Variants in CORIN observed in about 807,000 individuals in gnomAD.
The protein encoded by CORIN is atrial natriuretic peptide-converting enzyme.
A neutral mutation model predicts 125.3 loss-of-function variants in CORIN; 117 were observed. The ratio of observed to expected loss-of-function variants is 0.93; its 90% CI spans 0.80 to 1.09. CORIN has a LOEUF of 1.09. CORIN is among the 50% of genes least tolerant of loss of function. The pLI, the probability that CORIN is intolerant of heterozygous loss-of-function variation, is 0.00. For missense variants in CORIN, 1,253 were observed against 1,306.7 expected, an observed-to-expected ratio of 0.96 and a Z score of 0.63; for synonymous variants, 450 against 466.4, an observed-to-expected ratio of 0.96 and a Z score of 0.45.
At chr4:47,686,726 T>C (rs1202273335) in intron 6 of CORIN, among the ~76,000 whole-genome samples, 1 of 152,208 alleles carries the variant, frequency 6.6e-6, no homozygotes, top group East Asian at 1.9e-4. Flanking sequence ...AAATAAGGCT[T>C]CTCAACTTGA....
At chr4:47,715,113 T>G (rs1038470019) in intron 5 of CORIN, among the ~76,000 whole-genome samples, 1 of 152,194 alleles carries the variant, frequency 6.6e-6, no homozygotes, top group Admixed American at 6.5e-5. Context: ...ACTAAAATAG[T>G]AGTACACATA....
At position 47,763,580 on chromosome 4, in the gene CORIN, C is replaced by T. The variant is rs1346608390; in HGVS notation, c.416G>A (p.Cys139Tyr). ...GDQSHRNTSA[C>Y]MNITHSQCQM... ...ACACTGGCTGTGGGTGATGTTCATA[C>T]AGGCACCTGGGAAGTAAAGACATGC... Residue 139 changes from cysteine to tyrosine, a missense_variant, in exon 4 of 22, where the codon TGT (cysteine) becomes TAT (tyrosine). Cys to Tyr is a radical substitution (Grantham distance 194). Transcript: ENST00000273857. The T allele has an allele frequency of 2.5e-6, 4 of 1,613,852 alleles. No homozygotes were observed. In the African/African-American group the frequency reaches 5.3e-5, roughly 22 times the overall value.
At chr4:47,625,696 T>A (rs1722526656) in intron 17 of CORIN, among the ~76,000 whole-genome samples, 1 of 152,146 alleles carries the variant, frequency 6.6e-6, no homozygotes, top group Non-Finnish European at 1.5e-5. Flanking sequence ...TTATTTAGAG[T>A]TCAGACACTA....
At chr4:47,724,874 T>G (rs1347076473) in intron 5 of CORIN, among the ~76,000 whole-genome samples, 1 of 152,182 alleles carries the variant, frequency 6.6e-6, no homozygotes, top group Non-Finnish European at 1.5e-5. Flanking sequence ...CATAATCTAA[T>G]TATAGGAGTG....
intron 1 of CORIN, 103 bp downstream of exon 1, chr4:47,837,784 G>A: frequency 9.8e-7 from 1 of 1,017,464 alleles, no homozygotes. Flanking sequence ...AGGTGGCATC[G>A]GGCGGAGGAG....
intron 6 of CORIN, among the ~76,000 whole-genome samples, chr4:47,685,836 T>C (rs1326282839): frequency 2.0e-5 from 3 of 151,070 alleles, no homozygotes; most frequent in African/African-American, 7.3e-5. Context: ...GTGGATGTAA[T>C]GAAAAGTTTA....
intron 17 of CORIN, among the ~76,000 whole-genome samples, chr4:47,624,183 ACTT>A (rs1722457904): frequency 6.6e-6 from 1 of 152,138 alleles, no homozygotes; most frequent in South Asian, 2.1e-4. Context: ...GAATATATAT[ACTT>A]CTTTTTTTAG....
intron 19 of CORIN, among the ~76,000 whole-genome samples, chr4:47,619,597 A>G (rs778199149): frequency 2.3e-4 from 35 of 152,230 alleles, no homozygotes; most frequent in African/African-American, 7.0e-4. Flanking sequence ...GTGTTTCATG[A>G]AACTTACCAA....
At position 47,680,235 on chromosome 4, in the gene CORIN, T is replaced by C. The variant is rs1300744949; in HGVS notation, c.1038A>G (p.Thr346=). The change falls in exon 8 of 22, where the codon ACA becomes ACG. Residue 346 remains threonine, a synonymous_variant. Coordinates refer to ENST00000273857, the MANE Select transcript of CORIN (RefSeq NM_006587.4). ...DEQNCDCNPT[T]EHRCGDGRCI... ...AGCGCCCGTCCCCGCAGCGATGCTC[T>C]GTTGTGGGATTGCAATCTGGAGAAA... The C allele has an allele frequency of 5.0e-6, 8 of 1,613,632 alleles. No homozygotes were observed. Among genetic ancestry groups the C allele is most frequent in the Middle Eastern group, 3.3e-4 (2 of 6,078 alleles).
intron 3 of CORIN, among the ~76,000 whole-genome samples, chr4:47,780,535 A>T (rs1450545318): frequency 6.6e-6 from 1 of 152,164 alleles, no homozygotes; most frequent in Non-Finnish European, 1.5e-5. Flanking sequence ...GCAAAGTAAG[A>T]TCCTCCAAAA....
At chr4:47,720,246 A>C (rs190119922) in intron 5 of CORIN, among the ~76,000 whole-genome samples, 2 of 152,284 alleles carry the variant, frequency 1.3e-5, no homozygotes, top group East Asian at 1.9e-4. Flanking sequence ...GGCAGATCTG[A>C]ACACTACATG....
At chr4:47,837,278 C>T (rs1733483222) in intron 1 of CORIN, 2 of 158,922 alleles carry the variant, frequency 1.3e-5, no homozygotes, top group African/African-American at 4.8e-5. Context: ...GGCGAGTGAT[C>T]CCCAGGCACC....
chr4:47,623,690 C>T lies in CORIN; in HGVS notation c.2421G>A (p.Thr807=), dbSNP rs749700191. 23 of 1,614,114 alleles carry T rather than the reference C, an allele frequency of 1.4e-5. No homozygotes were observed. Among genetic ancestry groups the T allele is most frequent in the East Asian group, 6.7e-5 (3 of 44,906 alleles). The change falls in exon 19 of 22, where the codon ACG becomes ACA. Residue 807 remains threonine, a synonymous_variant. Transcript: ENST00000273857. ...RMNKRILGGR[T]SRPGRWPWQC... ...GCCATGGCCACCTTCCAGGGCGACT[C>T]GTCCGACCTCCAAGGATCCTTTTGT...
intron 1 of CORIN, among the ~76,000 whole-genome samples, chr4:47,825,930 C>T (rs1732728558): frequency 6.6e-6 from 1 of 152,032 alleles, no homozygotes; most frequent in Admixed American, 6.6e-5. Context: ...TCTCGAACTC[C>T]TGACCTCAGC....
chr4:47,786,597 A>G (rs1730825772), intron 3 of CORIN, 128 bp downstream of exon 3: 3 of 698,870 alleles, frequency 4.3e-6, no homozygotes, highest in Non-Finnish European at 7.4e-6. Flanking sequence ...TACGCTTACC[A>G]GGAAACTGAG....
intron 6 of CORIN, among the ~76,000 whole-genome samples, chr4:47,687,109 A>G (rs1454592329): frequency 6.6e-6 from 1 of 152,228 alleles, no homozygotes; most frequent in Admixed American, 6.5e-5. Flanking sequence ...TTCTACTATT[A>G]TAACTTGCTT....
At position 47,692,884 on chromosome 4, in the gene CORIN, A is replaced by G. The variant is rs901582670; in HGVS notation, c.913+86T>C. On this transcript the variant is annotated intron_variant, in intron 6 of 21. Coordinates refer to ENST00000273857, the MANE Select transcript of CORIN (RefSeq NM_006587.4). Reference sequence around the variant, plus strand: ...TTTGCTCGCTTTAGAAAGGCAAACAAAAAGCAGTCTACACAAATGCTGATG... The same window carrying G: ...TTTGCTCGCTTTAGAAAGGCAAACAGAAAGCAGTCTACACAAATGCTGATG... 4.9e-6 allele frequency: 5 copies of G among 1,019,220 alleles called. No individual in the cohort carries two copies. In the African/African-American group the frequency reaches 8.0e-5, roughly 16 times the overall value. 63.1% of individuals were successfully genotyped at this position (1,019,220 alleles called of 1,614,324 possible). A position where few individuals can be genotyped will look rare whatever the true frequency, so the allele number is the denominator to read the frequency against.
At chr4:47,801,858 T>G (rs201508312) in intron 2 of CORIN, among the ~76,000 whole-genome samples, 5 of 152,216 alleles carry the variant, frequency 3.3e-5, no homozygotes, top group Non-Finnish European at 5.9e-5. Context: ...CAAGCCCTAG[T>G]GCTGAGCTGG....
chr4:47,749,650 A>T (rs1728815548), intron 4 of CORIN, among the ~76,000 whole-genome samples: 1 of 152,208 alleles, frequency 6.6e-6, no homozygotes, highest in Admixed American at 6.5e-5. Context: ...CTTTAAGCTG[A>T]TAGGTTTATG....
Sources: allele counts gnomAD v4.1 joint callset (sites outside exome capture counted in the v4.1 genomes callset), GRCh38; gene constraint gnomAD v4.1.1; transcripts MANE v1.5; gene names NCBI Gene and HGNC (gene_info 2026-07-23, HGNC 2026-07-21).